NRXN3: variants seen among roughly 807,000 people sequenced by gnomAD.
NRXN3 encodes the protein neurexin III.
A neutral mutation model predicts 137.6 loss-of-function variants in NRXN3; 32 were observed. The ratio of observed to expected loss-of-function variants is 0.23; its 90% CI spans 0.18 to 0.31. The LOEUF is 0.31. Among genes scored for constraint, NRXN3 ranks in the 10% least tolerant of loss-of-function variants. NRXN3 has a pLI of 1.00. For missense variants in NRXN3, 1,574 were observed against 2,062.5 expected, an observed-to-expected ratio of 0.76 and a Z score of 4.59; for synonymous variants, 798 against 784.5, an observed-to-expected ratio of 1.02 and a Z score of -0.29.
chr14:79,239,731 G>A (rs1411534766), intron 15 of NRXN3, among the ~76,000 whole-genome samples: 1 of 152,118 alleles, frequency 6.6e-6, no homozygotes, highest in Non-Finnish European at 1.5e-5. Context: ...ATTCACAATA[G>A]CCAAGATAAA....
intron 4 of NRXN3, among the ~76,000 whole-genome samples, chr14:78,440,534 A>G (rs929912634): frequency 1.3e-5 from 2 of 152,246 alleles, no homozygotes; most frequent in South Asian, 2.1e-4. Flanking sequence ...ACTCGTGCAT[A>G]GGTTCCTAGA....
chr14:78,728,562 A>C (rs1282150168), intron 8 of NRXN3, among the ~76,000 whole-genome samples: 1 of 152,146 alleles, frequency 6.6e-6, no homozygotes, highest in Non-Finnish European at 1.5e-5. Flanking sequence ...TTGGTCCTTA[A>C]ATAAGATGAA....
intron 15 of NRXN3, among the ~76,000 whole-genome samples, chr14:79,445,383 CT>C (rs1216849440): frequency 4.0e-5 from 6 of 151,772 alleles, no homozygotes; most frequent in Non-Finnish European, 7.4e-5. Context: ...AATGTATTCA[CT>C]CAATATGATT....
rs1210031165 is a variant in NRXN3 at position 79,059,257 on chromosome 14, T to A, written c.3262+71116T>A. On this transcript the variant is annotated intron_variant, in intron 15 of 20. Coordinates refer to ENST00000335750, the MANE Select transcript of NRXN3 (RefSeq NM_001330195.2). ...CTGCCTTCAGGCCCTATTCTTTTTT[T>A]TTTTTTTTTTTTTTTTTTGAGATGG... is the stretch of plus-strand genomic sequence containing the variant. Among the ~76,000 whole-genome samples the A allele has an allele frequency of 1.3e-4, 4 of 30,480 alleles. No homozygotes were observed. In the South Asian group the frequency reaches 7.1e-3, roughly 54 times the overall value. 20.0% of individuals were successfully genotyped at this position (30,480 alleles called of 152,430 possible). A position where few individuals can be genotyped will look rare whatever the true frequency, so the allele number is the denominator to read the frequency against.
At chr14:79,384,633 G>C (rs2094555606) in intron 15 of NRXN3, among the ~76,000 whole-genome samples, 1 of 152,058 alleles carries the variant, frequency 6.6e-6, no homozygotes, top group African/African-American at 2.4e-5. Context: ...TTAGACCACA[G>C]GCATTTTTCC....
At position 79,251,393 on chromosome 14, in the gene NRXN3, C is replaced by T. The variant is rs114161601; in HGVS notation, c.3263-215828C>T. Among the ~76,000 whole-genome samples, 546 of 152,042 alleles carry T rather than the reference C, an allele frequency of 3.6e-3. 3 individuals are homozygous for T. Among genetic ancestry groups the T allele is most frequent in the African/African-American group, 0.012 (513 of 41,446 alleles). On this transcript the variant is annotated intron_variant, in intron 15 of 20. Coordinates refer to ENST00000335750, the MANE Select transcript of NRXN3 (RefSeq NM_001330195.2). The stretch of plus-strand genomic sequence containing the variant: ...TAGTTTAGATAGGGAGAGGGAAGGG[C>T]GTCTTTCAAGAAATGACTTCAGAAT...
At chr14:79,322,347 C>T (rs999574579) in intron 15 of NRXN3, among the ~76,000 whole-genome samples, 1 of 152,084 alleles carries the variant, frequency 6.6e-6, no homozygotes, top group Non-Finnish European at 1.5e-5. Context: ...CAGGAGGACA[C>T]CGAAATCACA....
At chr14:78,840,781 G>T (rs915751731) in intron 10 of NRXN3, among the ~76,000 whole-genome samples, 2 of 152,120 alleles carry the variant, frequency 1.3e-5, no homozygotes, top group African/African-American at 4.8e-5. Context: ...TGCATCACTC[G>T]AAGAGAATTA....
At chr14:78,672,028 C>A (rs1022889837) in intron 6 of NRXN3, among the ~76,000 whole-genome samples, 6 of 152,052 alleles carry the variant, frequency 3.9e-5, no homozygotes, top group African/African-American at 1.4e-4. Flanking sequence ...ATGTTTATTG[C>A]ATAAAGAATT....
intron 14 of NRXN3, among the ~76,000 whole-genome samples, chr14:78,974,596 T>G (rs745472766): frequency 6.6e-6 from 1 of 152,222 alleles, no homozygotes; most frequent in Non-Finnish European, 1.5e-5. Context: ...GGCATCAATA[T>G]GGTTTTAACA....
chr14:79,751,457 G>T (rs1420914445), intron 19 of NRXN3, among the ~76,000 whole-genome samples: 3 of 148,938 alleles, frequency 2.0e-5, no homozygotes, highest in African/African-American at 7.3e-5. Flanking sequence ...CTTATCAGCT[G>T]AAGGAGATTT....
intron 4 of NRXN3, among the ~76,000 whole-genome samples, chr14:78,418,666 C>T (rs1219665563): frequency 2.0e-5 from 3 of 152,158 alleles, no homozygotes; most frequent in African/African-American, 7.2e-5. Flanking sequence ...CAAGCATTTT[C>T]TTACATCCTT....
intron 4 of NRXN3, among the ~76,000 whole-genome samples, chr14:78,619,101 C>G (rs1255276867): frequency 6.6e-6 from 1 of 152,134 alleles, no homozygotes; most frequent in East Asian, 1.9e-4. Context: ...GTCTAGAAGT[C>G]AGAAGTCTTT....
intron 4 of NRXN3, among the ~76,000 whole-genome samples, chr14:78,502,612 T>C (rs1470285414): frequency 6.6e-6 from 1 of 152,180 alleles, no homozygotes; most frequent in African/African-American, 2.4e-5. Context: ...ATATTCACTT[T>C]TTTTCTTGCC....
At position 79,663,433 on chromosome 14, in the gene NRXN3, G is replaced by A. The variant is rs1181219588; in HGVS notation, c.3445-345G>A. Among the ~76,000 whole-genome samples the A allele has an allele frequency of 5.9e-5, 9 of 152,148 alleles. No individual in the cohort carries two copies. The Middle Eastern group carries it at 0.01, about 173-fold the overall frequency. Reference sequence around the variant, plus strand: ...ATGATTTAAGGTCCAGTGTCTTGGTGTACTCTCTTAGTAAACAGGCCTAAT... The same window carrying A: ...ATGATTTAAGGTCCAGTGTCTTGGTATACTCTCTTAGTAAACAGGCCTAAT... On this transcript the variant is annotated intron_variant, in intron 16 of 20. Transcript: ENST00000335750.
chr14:79,489,516 A>G (rs1476331241), intron 16 of NRXN3, among the ~76,000 whole-genome samples: 3 of 152,180 alleles, frequency 2.0e-5, no homozygotes, highest in Non-Finnish European at 2.9e-5. Context: ...GGAACCACCT[A>G]CTACAGACAC....
In NRXN3 at chr14:79,086,523, GTGT is replaced by G. The variant is rs533305671; in HGVS notation, c.3262+98384_3262+98386del. 3.7e-3 allele frequency among the ~76,000 whole-genome samples: 562 copies of G among 152,124 alleles called. 2 individuals carry two copies. Among genetic ancestry groups the G allele is most frequent in the African/African-American group, 0.013 (538 of 41,502 alleles). ...ATCCTTTCTCTCATTTTAAATTGTG[GTGT>G]TTTAAATTAGCATAGGTAACATAGA... On this transcript the variant is annotated intron_variant, in intron 15 of 20. Coordinates refer to ENST00000335750, the MANE Select transcript of NRXN3 (RefSeq NM_001330195.2).
At chr14:78,823,078 T>A (rs1383389746) in intron 10 of NRXN3, among the ~76,000 whole-genome samples, 1 of 152,204 alleles carries the variant, frequency 6.6e-6, no homozygotes, top group Non-Finnish European at 1.5e-5. Flanking sequence ...TGAAAGGTAC[T>A]TGGCATTTAG....
chr14:79,023,705 G>C (rs116519990), intron 15 of NRXN3, among the ~76,000 whole-genome samples: 1 of 152,070 alleles, frequency 6.6e-6, no homozygotes, highest in African/African-American at 2.4e-5. Flanking sequence ...GAGAAGTGCC[G>C]AGCAAAGGGG....
Sources: gnomAD v4.1 joint callset for allele counts (sites outside exome capture counted in the v4.1 genomes callset) on GRCh38, gnomAD v4.1.1 for gene constraint, MANE v1.5 for transcripts, NCBI Gene and HGNC (gene_info 2026-07-23, HGNC 2026-07-21) for gene names.